Variants in HOMER1 observed in about 807,000 individuals in gnomAD.
HOMER1 encodes the protein homer protein homolog 1.
Under a neutral mutation model 48.9 loss-of-function variants are expected in HOMER1, and 3 were observed. That is an observed-to-expected ratio of 0.06 (90% CI 0.03 to 0.16). The LOEUF is 0.16. Among genes scored for constraint, HOMER1 ranks in the 10% least tolerant of loss-of-function variants. The pLI, the probability that HOMER1 is intolerant of heterozygous loss-of-function variation, is 1.00. For synonymous variants in HOMER1, 134 were observed against 146.4 expected (o/e 0.92, Z 0.61); for missense variants, 247 against 411.4 (o/e 0.60, Z 3.46).
intron 1 of HOMER1, among the ~76,000 whole-genome samples, chr5:79,500,758 G>A (rs867018780): frequency 7.0e-6 from 1 of 142,502 alleles, no homozygotes; most frequent in Non-Finnish European, 1.5e-5. Flanking sequence ...CTGAGAAGCT[G>A]GGACTACAGG....
rs1251743353 is a variant in HOMER1, at chr5:79,446,331, AT to A, written c.387+721del. ...CCCCTGCTTTACCTTTCCAATGGAA[AT>A]TCCAATAAAGCTCTACCTCGGCTTT... On this transcript the variant is annotated intron_variant, in intron 4 of 8. Transcript: ENST00000334082. 3.9e-5 allele frequency among the ~76,000 whole-genome samples: 6 copies of A among 152,302 alleles called. No homozygotes were observed. The East Asian group carries it at 1.2e-3, about 29-fold the overall frequency.
At chr5:79,497,025 A>C (rs1752439691) in intron 1 of HOMER1, among the ~76,000 whole-genome samples, 1 of 140,850 alleles carries the variant, frequency 7.1e-6, no homozygotes. Context: ...ATACCACTGC[A>C]CTCTAGCCTG....
chr5:79,466,941 A>G (rs1279847128), intron 1 of HOMER1, among the ~76,000 whole-genome samples: 2 of 151,938 alleles, frequency 1.3e-5, no homozygotes, highest in Non-Finnish European at 2.9e-5. Flanking sequence ...ACAGGTGTGC[A>G]CCACCACACT....
chr5:79,472,147 C>T (rs939338350), intron 1 of HOMER1, among the ~76,000 whole-genome samples: 1 of 152,124 alleles, frequency 6.6e-6, no homozygotes, highest in Non-Finnish European at 1.5e-5. Flanking sequence ...TCCTCAGCAT[C>T]TCAAATTTCT....
chr5:79,466,742 C>A (rs935470267), intron 1 of HOMER1, among the ~76,000 whole-genome samples: 2 of 151,398 alleles, frequency 1.3e-5, no homozygotes, highest in Non-Finnish European at 1.5e-5. Context: ...AGGTTAAACT[C>A]CTGGCGTTTT....
chr5:79,501,019 G>C (rs1752571586), intron 1 of HOMER1, among the ~76,000 whole-genome samples: 1 of 149,586 alleles, frequency 6.7e-6, no homozygotes, highest in South Asian at 2.1e-4. Flanking sequence ...TACCCAGGCT[G>C]CAGTGCAGTG....
Position 79,373,362 on chromosome 5 carries a change from T to C in HOMER1, c.*2647A>G, listed in dbSNP as rs529736818. ...TCAATAGTTATCACATATTAACTTA[T>C]ACACAATGGGATCAACCTCCTCCTC... On this transcript the variant is annotated 3_prime_UTR_variant, in exon 9 of 9. Coordinates refer to ENST00000334082, the MANE Select transcript of HOMER1 (RefSeq NM_004272.5). 1.3e-5 allele frequency: 2 copies of C among 152,136 alleles called. No individual in the cohort carries two copies. Among genetic ancestry groups the C allele is most frequent in the East Asian group, 1.9e-4 (1 of 5,188 alleles). 9.4% of individuals were successfully genotyped at this position (152,136 alleles called of 1,614,324 possible).
chr5:79,485,594 G>A (rs558950601), intron 1 of HOMER1, among the ~76,000 whole-genome samples: 25 of 152,226 alleles, frequency 1.6e-4, no homozygotes, highest in African/African-American at 5.5e-4. Context: ...TCCAATGCTA[G>A]GTACTTAGTA....
chr5:79,463,264 T>C (rs1751365407), intron 1 of HOMER1, among the ~76,000 whole-genome samples: 2 of 152,212 alleles, frequency 1.3e-5, no homozygotes, highest in African/African-American at 4.8e-5. Context: ...GGGTTAGGAA[T>C]GGACCTCTGA....
At position 79,496,145 on chromosome 5, in the gene HOMER1, G is replaced by A. The variant is rs184620071; in HGVS notation, c.5+16625C>T. On this transcript the variant is annotated intron_variant, in intron 1 of 8. Coordinates refer to ENST00000334082, the MANE Select transcript of HOMER1 (RefSeq NM_004272.5). ...AGTGCCTGCAAAGAGGGAACTAAGTGAACAACCTGCTGGCTAGAATTTAGA... is the reference window on the plus strand; with the variant it reads ...AGTGCCTGCAAAGAGGGAACTAAGTAAACAACCTGCTGGCTAGAATTTAGA... Among the ~76,000 whole-genome samples the A allele has an allele frequency of 1.8e-4, 27 of 152,316 alleles. No homozygotes were observed. In the East Asian group the frequency reaches 4.8e-3, roughly 27 times the overall value.
intron 6 of HOMER1, among the ~76,000 whole-genome samples, chr5:79,398,163 A>C (rs77072621): frequency 0.011 from 1,735 of 152,268 alleles, 28 homozygotes; most frequent in African/African-American, 0.038. Context: ...AAATTTTGTT[A>C]GTCAATAAGA....
At chr5:79,413,949 A>T (rs1201639634) in intron 5 of HOMER1, among the ~76,000 whole-genome samples, 1 of 152,168 alleles carries the variant, frequency 6.6e-6, no homozygotes, top group Non-Finnish European at 1.5e-5. Context: ...CTGCTAGGCA[A>T]ATAGCCTAGT....
intron 1 of HOMER1, among the ~76,000 whole-genome samples, chr5:79,476,718 C>T (rs1751789274): frequency 6.6e-6 from 1 of 152,076 alleles, no homozygotes; most frequent in South Asian, 2.1e-4. Flanking sequence ...GGCATGCTGT[C>T]CTCCAGGAAC....
At chr5:79,494,597 G>A (rs890826304) in intron 1 of HOMER1, among the ~76,000 whole-genome samples, 1 of 152,162 alleles carries the variant, frequency 6.6e-6, no homozygotes, top group African/African-American at 2.4e-5. Flanking sequence ...AGCTGGGTGC[G>A]GTGGCTCATG....
intron 8 of HOMER1, among the ~76,000 whole-genome samples, chr5:79,392,865 C>G (rs767509049): frequency 2.6e-5 from 4 of 151,502 alleles, no homozygotes; most frequent in African/African-American, 9.7e-5. Flanking sequence ...TATTTTTACT[C>G]TACCTTTTCT....
intron 5 of HOMER1, among the ~76,000 whole-genome samples, chr5:79,434,512 T>C (rs951311525): frequency 1.5e-4 from 23 of 152,122 alleles, no homozygotes; most frequent in Non-Finnish European, 2.6e-4. Flanking sequence ...TCAAAGGATG[T>C]TCAAGTGTAT....
intron 1 of HOMER1, among the ~76,000 whole-genome samples, chr5:79,483,505 A>G (rs1752004278): frequency 6.6e-6 from 1 of 151,958 alleles, no homozygotes; most frequent in African/African-American, 2.4e-5. Context: ...TTAAAAAAAA[A>G]AAACTCTTAA....
At chr5:79,435,538 A>G (rs144983478) in intron 5 of HOMER1, among the ~76,000 whole-genome samples, 2 of 152,370 alleles carry the variant, frequency 1.3e-5, no homozygotes, top group African/African-American at 4.8e-5. Context: ...TTGGAGAAGG[A>G]AGGCAATATA....
chr5:79,438,930 G>C (rs1223274969), intron 5 of HOMER1, 80 bp downstream of exon 5: 1 of 1,032,690 alleles, frequency 9.7e-7, no homozygotes, highest in Admixed American at 2.3e-5. Flanking sequence ...CTCAAAGCTT[G>C]TAACTACAAG....
Sources: gnomAD v4.1 joint callset for allele counts (sites outside exome capture counted in the v4.1 genomes callset) on GRCh38, gnomAD v4.1.1 for gene constraint, MANE v1.5 for transcripts, NCBI Gene and HGNC (gene_info 2026-07-23, HGNC 2026-07-21) for gene names.